Variants in MYMX observed in about 807,000 individuals in gnomAD.
MYMX encodes the protein myomixer, myoblast fusion factor.
the MYMX span, among the ~76,000 whole-genome samples, chr6:44,199,382 TAG>T: frequency 6.6e-6 from 1 of 151,694 alleles, no homozygotes; most frequent in Non-Finnish European, 1.5e-5. Flanking sequence ...GTATTTTTAG[TAG>T]AGACAGTTTC....
chr6:44,205,362 AAG>A, the MYMX span, among the ~76,000 whole-genome samples: 555 of 152,326 alleles, frequency 3.6e-3, 4 homozygotes, highest in South Asian at 0.02. Context: ...GGAAGAGGAA[AAG>A]GACAAAGAAA....
At chr6:44,214,374 G>A (rs931610167), upstream of MYMX, among the ~76,000 whole-genome samples, 3 of 152,148 alleles carry the variant, frequency 2.0e-5, no homozygotes, top group African/African-American at 7.2e-5. Flanking sequence ...TAAGATTTTG[G>A]CCAGGGTAAC....
At chr6:44,213,116 T>A (rs907596802), upstream of MYMX, among the ~76,000 whole-genome samples, 12 of 152,176 alleles carry the variant, frequency 7.9e-5, no homozygotes, top group Admixed American at 5.9e-4. Context: ...CTGTGCGCCG[T>A]GGCTCACGCC....
the MYMX span, among the ~76,000 whole-genome samples, chr6:44,198,348 G>A: frequency 6.6e-6 from 1 of 151,348 alleles, no homozygotes; most frequent in African/African-American, 2.4e-5. Context: ...TATATTTTTA[G>A]TAGAGATGGG....
chr6:44,212,503 C>T (rs536939841), upstream of MYMX, among the ~76,000 whole-genome samples: 2 of 151,316 alleles, frequency 1.3e-5, no homozygotes, highest in Non-Finnish European at 2.9e-5. Context: ...ATATATAAGC[C>T]GATTATTCTG....
At chr6:44,205,918 T>C in the MYMX span, among the ~76,000 whole-genome samples, 1 of 136,094 alleles carries the variant, frequency 7.3e-6, no homozygotes, top group Non-Finnish European at 1.5e-5. Flanking sequence ...AGGCAGAGGT[T>C]GCAATGAGCT....
At chr6:44,207,956 A>G in the MYMX span, among the ~76,000 whole-genome samples, 1 of 152,134 alleles carries the variant, frequency 6.6e-6, no homozygotes, top group African/African-American at 2.4e-5. Context: ...GATCAAGTGC[A>G]GTGGCTTACA....
the MYMX span, among the ~76,000 whole-genome samples, chr6:44,194,154 C>T: frequency 6.6e-6 from 1 of 152,220 alleles, no homozygotes; most frequent in Admixed American, 6.5e-5. Flanking sequence ...GAACTAAACA[C>T]AGAGAAGTTT....
the MYMX span, among the ~76,000 whole-genome samples, chr6:44,208,274 A>G: frequency 1.3e-5 from 2 of 151,780 alleles, no homozygotes; most frequent in Non-Finnish European, 2.9e-5. Flanking sequence ...AAGAAAGAAA[A>G]AAACATTTAC....
chr6:44,192,899 T>C, the MYMX span, among the ~76,000 whole-genome samples: 3 of 152,214 alleles, frequency 2.0e-5, no homozygotes, highest in Admixed American at 6.5e-5. Flanking sequence ...TTCGAGAGCC[T>C]GCACAAGAGT....
the MYMX span, among the ~76,000 whole-genome samples, chr6:44,199,871 G>A: frequency 6.6e-6 from 1 of 152,034 alleles, no homozygotes; most frequent in African/African-American, 2.4e-5. Context: ...TTTTGGTAGA[G>A]ACTGGGTTTT....
At chr6:44,211,652 G>GTGTC in the MYMX span, among the ~76,000 whole-genome samples, 5,043 of 141,670 alleles carry the variant, frequency 0.036, 304 homozygotes, top group African/African-American at 0.12. Context: ...AAGTCTCACT[G>GTGTC]TGTCGCCCAG....
the MYMX span, among the ~76,000 whole-genome samples, chr6:44,198,347 A>T: frequency 1.3e-5 from 2 of 151,036 alleles, no homozygotes; most frequent in African/African-American, 4.9e-5. Flanking sequence ...TTATATTTTT[A>T]GTAGAGATGG....
the MYMX span, among the ~76,000 whole-genome samples, chr6:44,202,039 C>G: frequency 6.6e-6 from 1 of 152,284 alleles, no homozygotes; most frequent in South Asian, 2.1e-4. Context: ...CCTGTCGCAG[C>G]ATGCTCTTGA....
At chr6:44,217,318 A>T in intron 1 of MYMX, 132 bp from the exon 2 acceptor site, 1 of 397,458 alleles carries the variant, frequency 2.5e-6, no homozygotes, top group Non-Finnish European at 4.4e-6. Flanking sequence ...GAAAGCAAAA[A>T]TGACCTACAA....
upstream of MYMX, among the ~76,000 whole-genome samples, chr6:44,212,873 A>AG (rs1197062239): frequency 6.6e-6 from 1 of 151,580 alleles, no homozygotes; most frequent in Non-Finnish European, 1.5e-5. Flanking sequence ...AAAAAAAAAA[A>AG]AAACAAAACT....
chr6:44,209,925 GTA>G, the MYMX span: 47,224 of 140,888 alleles, frequency 0.34, 9,535 homozygotes, highest in African/African-American at 0.57. Context: ...AACAAAAAAA[GTA>G]TATATATATA....
the MYMX span, among the ~76,000 whole-genome samples, chr6:44,198,302 A>G: frequency 1.3e-5 from 2 of 149,880 alleles, no homozygotes; most frequent in South Asian, 4.2e-4. Context: ...AGCTGGGACT[A>G]CAGGTGCCCG....
chr6:44,202,660 G>A, the MYMX span, among the ~76,000 whole-genome samples: 1 of 152,088 alleles, frequency 6.6e-6, no homozygotes, highest in Non-Finnish European at 1.5e-5. Context: ...TTCCCGCCTT[G>A]GAGAAAATGT....
Sources: allele counts gnomAD v4.1 joint callset (sites outside exome capture counted in the v4.1 genomes callset), GRCh38; gene constraint gnomAD v4.1.1; transcripts MANE v1.5; gene names NCBI Gene and HGNC (gene_info 2026-07-23, HGNC 2026-07-21).